GRK3: variants seen among roughly 807,000 people sequenced by gnomAD.
The protein encoded by GRK3 is G protein-coupled receptor kinase 3.
A neutral mutation model predicts 95.7 loss-of-function variants in GRK3; 54 were observed. The ratio of observed to expected loss-of-function variants is 0.56; its 90% CI spans 0.45 to 0.71. The LOEUF is 0.71. Ranked by LOEUF, GRK3 falls within the 30% of genes least tolerant of loss-of-function variation. GRK3 has a pLI of 0.00. For missense variants in GRK3, 649 were observed against 851.2 expected (o/e 0.76, Z 2.96); for synonymous variants, 281 against 290.8 (o/e 0.97, Z 0.34).
At chr22:25,565,258 G>C in intron 1 of GRK3, 105 bp downstream of exon 1, 1 of 487,742 alleles carries the variant, frequency 2.1e-6, no homozygotes, top group Non-Finnish European at 3.5e-6. Flanking sequence ...CGCTGCCCCG[G>C]GGCGGGTGAC....
intron 2 of GRK3, among the ~76,000 whole-genome samples, chr22:25,608,700 C>T (rs890147039): frequency 6.6e-6 from 1 of 152,190 alleles, no homozygotes; most frequent in Non-Finnish European, 1.5e-5. Context: ...CCATCCATAA[C>T]TGGAATGGGT....
At chr22:25,674,580 T>C in intron 8 of GRK3, 52 bp downstream of exon 8, 1 of 1,323,150 alleles carries the variant, frequency 7.6e-7, no homozygotes, top group Non-Finnish European at 1.1e-6. Flanking sequence ...ATTTTAATAT[T>C]TGCATGAAAA....
At chr22:25,616,163 G>T (rs1013353474) in intron 2 of GRK3, among the ~76,000 whole-genome samples, 2 of 152,156 alleles carry the variant, frequency 1.3e-5, no homozygotes, top group Non-Finnish European at 2.9e-5. Context: ...CAGTCTGGCC[G>T]ATGGGGAGGC....
chr22:25,726,171 T>C lies in GRK3; in HGVS notation c.*3721T>C, dbSNP rs2085472438. 6.6e-6 allele frequency: 1 copy of C among 152,200 alleles called. No homozygotes were observed. Among genetic ancestry groups the C allele is most frequent in the Non-Finnish European group, 1.5e-5 (1 of 68,036 alleles). The allele number at this position is 152,200 out of a possible 1,614,324, so 9.4% of individuals were successfully genotyped here. On this transcript the variant is annotated 3_prime_UTR_variant, in exon 21 of 21. Transcript: ENST00000324198. ...TGTTTACCAATTGACGACAGGGATT[T>C]AACTAGATTAAAAAGATCAAAGTGT... is the stretch of plus-strand genomic sequence containing the variant.
chr22:25,628,509 A>C (rs957271882), intron 2 of GRK3, among the ~76,000 whole-genome samples: 1 of 152,226 alleles, frequency 6.6e-6, no homozygotes, highest in Non-Finnish European at 1.5e-5. Flanking sequence ...TGCGGTTATA[A>C]AAGAGAATCA....
chr22:25,614,693 T>C (rs16980511), intron 2 of GRK3, among the ~76,000 whole-genome samples: 3,671 of 152,298 alleles, frequency 0.024, 48 homozygotes, highest in East Asian at 0.037. Context: ...GAAATTAGCA[T>C]GCATATGAAG....
intron 17 of GRK3, among the ~76,000 whole-genome samples, chr22:25,713,270 C>T (rs1345308146): frequency 6.6e-6 from 1 of 152,186 alleles, no homozygotes; most frequent in Non-Finnish European, 1.5e-5. Flanking sequence ...CACACACTCA[C>T]ACACGCACCT....
At chr22:25,699,844 G>A (rs901395763) in intron 13 of GRK3, among the ~76,000 whole-genome samples, 1 of 151,744 alleles carries the variant, frequency 6.6e-6, no homozygotes, top group South Asian at 2.1e-4. Flanking sequence ...GACTACAGGC[G>A]CCCGCCACCA....
At chr22:25,713,437 T>C (rs188908247) in intron 17 of GRK3, among the ~76,000 whole-genome samples, 462 of 152,306 alleles carry the variant, frequency 3.0e-3, no homozygotes, top group Non-Finnish European at 5.1e-3. Flanking sequence ...GGCCCCATAT[T>C]GGCATGTGGG....
chr22:25,607,859 GC>G (rs973395809), intron 2 of GRK3, among the ~76,000 whole-genome samples: 18 of 151,936 alleles, frequency 1.2e-4, no homozygotes, highest in African/African-American at 4.4e-4. Context: ...AGGATTACAA[GC>G]GTGAGCCACC....
At chr22:25,608,814 A>T (rs1285282755) in intron 2 of GRK3, among the ~76,000 whole-genome samples, 1 of 152,112 alleles carries the variant, frequency 6.6e-6, no homozygotes, top group African/African-American at 2.4e-5. Context: ...AGTGGAACCC[A>T]CTCACACTTC....
At chr22:25,612,338 C>T (rs576773908) in intron 2 of GRK3, among the ~76,000 whole-genome samples, 1 of 152,036 alleles carries the variant, frequency 6.6e-6, no homozygotes, top group African/African-American at 2.4e-5. Flanking sequence ...TAAATTTGTT[C>T]CCAAGTATTT....
intron 15 of GRK3, among the ~76,000 whole-genome samples, chr22:25,707,352 T>C (rs997860232): frequency 2.0e-5 from 3 of 152,216 alleles, no homozygotes; most frequent in Non-Finnish European, 4.4e-5. Flanking sequence ...CACCGAAGTG[T>C]TTCCAGTAAA....
chr22:25,665,541 A>G (rs1028735312), intron 5 of GRK3, among the ~76,000 whole-genome samples: 3 of 152,222 alleles, frequency 2.0e-5, no homozygotes, highest in African/African-American at 7.2e-5. Flanking sequence ...ATCTTTTAAA[A>G]AACACTTTAT....
At chr22:25,570,734 T>C (rs1178207545) in intron 1 of GRK3, among the ~76,000 whole-genome samples, 1 of 152,226 alleles carries the variant, frequency 6.6e-6, no homozygotes, top group Admixed American at 6.5e-5. Context: ...CCTCTGCTTC[T>C]CCTGTGTCTT....
chr22:25,694,595 C>T (rs528162140), intron 12 of GRK3, among the ~76,000 whole-genome samples: 1 of 152,316 alleles, frequency 6.6e-6, no homozygotes, highest in South Asian at 2.1e-4. Context: ...CCTTCTTTCC[C>T]ATCCCCCTGG....
At chr22:25,700,001 C>G (rs2085245647) in intron 13 of GRK3, among the ~76,000 whole-genome samples, 1 of 152,124 alleles carries the variant, frequency 6.6e-6, no homozygotes, top group Admixed American at 6.5e-5. Context: ...CCCGGCCGCT[C>G]TGTTTTCTGT....
chr22:25,565,323 G>C (rs1931426611), intron 1 of GRK3, among the ~76,000 whole-genome samples, 170 bp downstream of exon 1: 2 of 152,278 alleles, frequency 1.3e-5, no homozygotes, highest in East Asian at 3.9e-4. Flanking sequence ...CTGAAATGGG[G>C]CATCGGAGGG....
rs148392562 is a variant in GRK3 at position 25,725,645 on chromosome 22, A to G, written c.*3195A>G. On this transcript the variant is annotated 3_prime_UTR_variant, in exon 21 of 21. Coordinates refer to ENST00000324198, the MANE Select transcript of GRK3 (RefSeq NM_005160.4). The stretch of plus-strand genomic sequence containing the variant: ...CACTGACGTGACAATTTCAGGTCCT[A>G]TGTTTAAAAAGAAGGGGCTGGCCGG... 1,448 of 398,510 alleles carry G rather than the reference A, an allele frequency of 3.6e-3. 25 individuals carry two copies. Among genetic ancestry groups the G allele is most frequent in the South Asian group, 0.024 (191 of 7,838 alleles). 24.7% of individuals were successfully genotyped at this position (398,510 alleles called of 1,614,324 possible).
Sources: allele counts gnomAD v4.1 joint callset (sites outside exome capture counted in the v4.1 genomes callset), GRCh38; gene constraint gnomAD v4.1.1; transcripts MANE v1.5; gene names NCBI Gene and HGNC (gene_info 2026-07-23, HGNC 2026-07-21).